Variants in PPARGC1A observed in about 807,000 individuals in gnomAD.
The protein encoded by PPARGC1A is PPARG coactivator 1 alpha.
A neutral mutation model predicts 88.7 loss-of-function variants in PPARGC1A; 25 were observed. That is an observed-to-expected ratio of 0.28 (90% CI 0.21 to 0.39). The LOEUF is 0.39. Among genes scored for constraint, PPARGC1A ranks in the 10% least tolerant of loss-of-function variants. PPARGC1A has a pLI of 1.00. For missense variants in PPARGC1A, 880 were observed against 968.7 expected (o/e 0.91, Z 1.22); for synonymous variants, 363 against 355.6 (o/e 1.02, Z -0.24).
At chr4:24,254,782 T>G in the PPARGC1A span, among the ~76,000 whole-genome samples, 1 of 152,230 alleles carries the variant, frequency 6.6e-6, no homozygotes, top group Non-Finnish European at 1.5e-5. Context: ...ATAGTGTATT[T>G]AATTATGCAA....
At chr4:23,881,614 G>A (rs1413374905) in intron 2 of PPARGC1A, among the ~76,000 whole-genome samples, 1 of 152,194 alleles carries the variant, frequency 6.6e-6, no homozygotes, top group Non-Finnish European at 1.5e-5. Context: ...GCTTTGATGA[G>A]AATTCAGTCG....
At chr4:23,978,956 CA>C in the PPARGC1A span, among the ~76,000 whole-genome samples, 1 of 151,976 alleles carries the variant, frequency 6.6e-6, no homozygotes, top group Non-Finnish European at 1.5e-5. Context: ...ACCATATATG[CA>C]ACATAGAAAC....
intron 2 of PPARGC1A, among the ~76,000 whole-genome samples, chr4:23,853,520 G>A (rs1729677348): frequency 6.6e-6 from 1 of 152,104 alleles, no homozygotes; most frequent in Non-Finnish European, 1.5e-5. Flanking sequence ...GATGGGACAG[G>A]TTTCCATCAT....
the PPARGC1A span, among the ~76,000 whole-genome samples, chr4:23,952,026 A>C: frequency 6.6e-6 from 1 of 152,014 alleles, no homozygotes; most frequent in African/African-American, 2.4e-5. Context: ...ACCCTGGCCC[A>C]CGGTCACTCT....
chr4:23,874,318 C>G (rs1714227709), intron 2 of PPARGC1A, among the ~76,000 whole-genome samples: 1 of 152,176 alleles, frequency 6.6e-6, no homozygotes, highest in Admixed American at 6.5e-5. Context: ...CCTTAAGAAG[C>G]TGCAGCTCGC....
At chr4:24,076,561 T>C in the PPARGC1A span, among the ~76,000 whole-genome samples, 1 of 152,152 alleles carries the variant, frequency 6.6e-6, no homozygotes, top group African/African-American at 2.4e-5. Context: ...AGAGGATATA[T>C]TTGGGCCAAG....
chr4:23,810,876 T>C (rs944289158), intron 10 of PPARGC1A, among the ~76,000 whole-genome samples: 3 of 152,240 alleles, frequency 2.0e-5, no homozygotes, highest in Non-Finnish European at 4.4e-5. Flanking sequence ...TATGGCACTA[T>C]ATAAATGTGA....
the PPARGC1A span, among the ~76,000 whole-genome samples, chr4:24,085,795 G>A: frequency 2.6e-5 from 4 of 152,188 alleles, no homozygotes; most frequent in Admixed American, 1.3e-4. Flanking sequence ...TATTCCCCTC[G>A]CTCCAGGTAG....
At chr4:24,027,875 G>A in the PPARGC1A span, among the ~76,000 whole-genome samples, 12 of 152,216 alleles carry the variant, frequency 7.9e-5, no homozygotes, top group South Asian at 6.2e-4. Context: ...GCAACATACC[G>A]ATCAGTGCCC....
At chr4:24,214,931 G>A in the PPARGC1A span, among the ~76,000 whole-genome samples, 55 of 152,318 alleles carry the variant, frequency 3.6e-4, 1 homozygote, top group African/African-American at 1.3e-3. Context: ...CAAACACCAA[G>A]TATGTTGCCT....
chr4:23,890,147 C>G (rs1717608619), upstream of PPARGC1A: 1 of 1,264,342 alleles, frequency 7.9e-7, no homozygotes. Flanking sequence ...CTCCCTTCCC[C>G]TGTGCAGCTT....
chr4:23,896,922 C>T (rs1257492651), intron 1 of PPARGC1A, among the ~76,000 whole-genome samples: 1 of 152,042 alleles, frequency 6.6e-6, no homozygotes, highest in African/African-American at 2.4e-5. Flanking sequence ...AAATGCAGTC[C>T]CAGTTTCAAC....
chr4:23,956,699 A>G, the PPARGC1A span, among the ~76,000 whole-genome samples: 2 of 152,074 alleles, frequency 1.3e-5, 1 homozygote, highest in Non-Finnish European at 2.9e-5. Flanking sequence ...TCTCTAAAAT[A>G]CAATGCAAAT....
At chr4:24,321,935 C>T in the PPARGC1A span, among the ~76,000 whole-genome samples, 2 of 152,132 alleles carry the variant, frequency 1.3e-5, no homozygotes, top group Admixed American at 6.5e-5. Flanking sequence ...GGCCTCTGAC[C>T]GAAGTGCTCA....
chr4:24,184,144 G>T, the PPARGC1A span, among the ~76,000 whole-genome samples: 1 of 152,146 alleles, frequency 6.6e-6, no homozygotes, highest in Non-Finnish European at 1.5e-5. Context: ...CAATGGATTT[G>T]AAACCAATAA....
At chr4:24,158,338 G>T in the PPARGC1A span, among the ~76,000 whole-genome samples, 2 of 151,978 alleles carry the variant, frequency 1.3e-5, no homozygotes, top group African/African-American at 4.8e-5. Context: ...TATTTTCTTT[G>T]TCACTCATTT....
At chr4:24,449,536 C>T in the PPARGC1A span, among the ~76,000 whole-genome samples, 1 of 152,158 alleles carries the variant, frequency 6.6e-6, no homozygotes, top group East Asian at 1.9e-4. Flanking sequence ...AAAGCCAAGG[C>T]TCTAGGTTCT....
the PPARGC1A span, among the ~76,000 whole-genome samples, chr4:24,303,189 G>A: frequency 2.0e-5 from 3 of 152,158 alleles, no homozygotes; most frequent in African/African-American, 7.2e-5. Flanking sequence ...TCCAAGATAG[G>A]AGTTATTTTT....
At chr4:24,199,294 C>A in the PPARGC1A span, among the ~76,000 whole-genome samples, 1 of 152,132 alleles carries the variant, frequency 6.6e-6, no homozygotes, top group African/African-American at 2.4e-5. Flanking sequence ...GGGCTAAATG[C>A]AAGGGGGTCA....
Sources: gnomAD v4.1 joint callset for allele counts (sites outside exome capture counted in the v4.1 genomes callset) on GRCh38, gnomAD v4.1.1 for gene constraint, MANE v1.5 for transcripts, NCBI Gene and HGNC (gene_info 2026-07-23, HGNC 2026-07-21) for gene names.